TTN: variants seen among roughly 807,000 people sequenced by gnomAD.
The protein encoded by TTN is titin.
Under a neutral mutation model 3,223.0 loss-of-function variants are expected in TTN, and 1,525 were observed. That is an observed-to-expected ratio of 0.47 (90% CI 0.45 to 0.49). TTN has a LOEUF of 0.49. TTN is among the 20% of genes least tolerant of loss of function. The probability of loss-of-function intolerance (pLI) is 0.00; values close to 1 mark genes in which losing one functional copy is unlikely to be tolerated. For synonymous variants in TTN, 14,094 were observed against 15,161.0 expected (o/e 0.93, Z 5.17); for missense variants, 40,786 against 43,424.0 (o/e 0.94, Z 5.40).
At position 178,625,369 on chromosome 2, in the gene TTN, G is replaced by A; in HGVS notation, c.44452C>T (p.His14818Tyr). 1 of 1,586,088 alleles carries A rather than the reference G, an allele frequency of 6.3e-7. No homozygotes were observed. The change falls in exon 241 of 363, where the codon CAT becomes TAT. Residue 14818 changes from histidine (H) to tyrosine (Y), a missense_variant. Transcript: ENST00000589042. ...TTTACATCCCTCAGAGTAAGTGTAT[G>A]AACTTTTCCTTCTGAACGTGGGACC... is the stretch of plus-strand genomic sequence containing the variant. ...KVVPRSEGKV[H>Y]TLTLRDVKLE...
intron 126 of TTN, 33 bp from the exon 127 acceptor site, chr2:178,688,257 C>T: frequency 1.3e-6 from 2 of 1,584,264 alleles, no homozygotes; most frequent in Non-Finnish European, 1.7e-6. Context: ...TAAATTCAGC[C>T]TGCTGAGATA....
chr2:178,563,879 G>A lies in TTN; in HGVS notation c.82253C>T (p.Thr27418Ile), dbSNP rs750733161. The A allele has an allele frequency of 2.5e-6, 4 of 1,613,706 alleles. No individual in the cohort carries two copies. The highest frequency in any genetic ancestry group is 3.4e-6 in the Non-Finnish European group (4 of 1,179,724). ...GGCCTGTACCTCAGTTGAAACCTGG[G>A]TCCAAGAGAGTCGGCTTGTCTCCCT... Reference protein sequence around the residue: ...EKRETSRLSWTQVSTEVQALN... With the variant: ...EKRETSRLSWIQVSTEVQALN... Residue 27418 changes from threonine (T) to isoleucine (I), a missense_variant, in exon 326 of 363, where the codon ACC becomes ATC. Thr to Ile is a moderately conservative substitution (Grantham distance 89, BLOSUM62 -1). Coordinates refer to ENST00000589042, the MANE Select transcript of TTN (RefSeq NM_001267550.2). The surrounding 1 kb of genome is among the most constrained non-coding windows in gnomAD (Gnocchi z 4.5).
In TTN at chr2:178,598,544, C is replaced by T. The variant is rs181957743; in HGVS notation, c.57073G>A (p.Val19025Ile). ...TCTTTTCCTTCTTCTTTATATTCAA[C>T]GATGTATCCAGTTACTTTGGATCCA... The part of the protein sequence containing the change: ...DGGSKVTGYI[V>I]EYKEEGKEEW... The change falls in exon 292 of 363, where the codon GTT (valine) becomes ATT (isoleucine). Residue 19025 changes from valine (V) to isoleucine (I), a missense_variant. Transcript: ENST00000589042. 94 of 1,608,804 alleles carry T rather than the reference C, an allele frequency of 5.8e-5. No homozygotes were observed. The Admixed American group carries it at 1.0e-3, about 17-fold the overall frequency.
intron 316 of TTN, 103 bp downstream of exon 316, chr2:178,581,396 C>T: frequency 2.0e-6 from 2 of 1,025,578 alleles, no homozygotes; most frequent in Non-Finnish European, 2.7e-6. Context: ...GTTACCAGCT[C>T]TACACCTTGT....
intron 110 of TTN, 53 bp from the exon 111 acceptor site, chr2:178,701,256 A>G: frequency 6.7e-7 from 1 of 1,494,262 alleles, no homozygotes; most frequent in Non-Finnish European, 9.2e-7. Flanking sequence ...ATTTTGCGTA[A>G]AATATAATGA....
intron 222 of TTN, 76 bp downstream of exon 222, chr2:178,639,972 A>G (rs1195712280): frequency 6.5e-6 from 10 of 1,549,240 alleles, no homozygotes; most frequent in Middle Eastern, 1.7e-4. Flanking sequence ...TTCACCTACT[A>G]TCTTTTATTA....
chr2:178,695,020 G>A, intron 115 of TTN, 114 bp from the exon 116 acceptor site: 2 of 725,462 alleles, frequency 2.8e-6, no homozygotes, highest in Non-Finnish European at 4.4e-6. Flanking sequence ...AAGTGTATAT[G>A]CAGATACATG....
At position 178,729,336 on chromosome 2, in the gene TTN, A is replaced by G; in HGVS notation, c.18820T>C (p.Ser6274Pro). ...CATGAGCAGCTGCCGCCTTCATTGG[A>G]TACAATGCACTGGTATTCCCCAGTG... ...SDTGEYQCIV[S>P]NEGGSCSCST... Residue 6274 changes from serine (S) to proline (P), a missense_variant, in exon 64 of 363, where the codon TCC (serine) becomes CCC (proline). Physicochemically the swap from Ser to Pro is moderately conservative, Grantham distance 74. Coordinates refer to ENST00000589042, the MANE Select transcript of TTN (RefSeq NM_001267550.2). The G allele has an allele frequency of 1.9e-6, 3 of 1,613,250 alleles. No homozygotes were observed. The highest frequency in any genetic ancestry group is 1.1e-5 in the South Asian group (1 of 91,054).
chr2:178,641,219 A>T (rs766672888), intron 220 of TTN, 22 bp downstream of exon 220: 25 of 1,451,892 alleles, frequency 1.7e-5, no homozygotes, highest in Non-Finnish European at 2.1e-5. Context: ...ATAATCTTAC[A>T]AATTGTCACT....
In TTN at chr2:178,713,091, C is replaced by T. The variant is rs1478991979; in HGVS notation, c.27043G>A (p.Val9015Met). Residue 9015 changes from valine (V) to methionine (M), a missense_variant, in exon 93 of 363, where the codon GTG (valine) becomes ATG (methionine). Coordinates refer to ENST00000589042, the MANE Select transcript of TTN (RefSeq NM_001267550.2). ...TACTGTTTTGTAAACTGACCTCTCA[C>T]AGTCAAAGGAGCACTACATTCATCA... ...GSDECSAPLT[V>M]REPPSFVQKP... 1 of 1,612,284 alleles carries T rather than the reference C, an allele frequency of 6.2e-7. No homozygotes were observed. Among genetic ancestry groups the T allele is most frequent in the Non-Finnish European group, 8.5e-7 (1 of 1,178,604 alleles).
intron 3 of TTN, among the ~76,000 whole-genome samples, chr2:178,801,062 T>C (rs1272994178): frequency 6.6e-6 from 1 of 152,218 alleles, no homozygotes; most frequent in Non-Finnish European, 1.5e-5. Context: ...CATATTCCAG[T>C]AAGTTGCATT....
At chr2:178,682,055 G>A (rs1198593588) in intron 135 of TTN, among the ~76,000 whole-genome samples, 1 of 151,634 alleles carries the variant, frequency 6.6e-6, no homozygotes, top group Non-Finnish European at 1.5e-5. Flanking sequence ...TCTCAAAGTT[G>A]GGCTATGAAA....
rs765111619 is a variant in TTN at position 178,756,183 on chromosome 2, G to A, written c.11254+39C>T. 4.9e-6 allele frequency: 7 copies of A among 1,442,546 alleles called. No individual in the cohort carries two copies. The East Asian group carries it at 9.1e-5, about 19-fold the overall frequency. The allele number at this position is 1,442,546 out of a possible 1,614,324, so 89.4% of individuals were successfully genotyped here. A position where few individuals can be genotyped will look rare whatever the true frequency, so the allele number is the denominator to read the frequency against. On this transcript the variant is annotated intron_variant, in intron 46 of 362. Transcript: ENST00000589042. ...GCAGAAAAGCTGCATAAAGCGATGAGGATGAAATGAAGCAAGTCATAGCTA... is the reference window on the plus strand; with the variant it reads ...GCAGAAAAGCTGCATAAAGCGATGAAGATGAAATGAAGCAAGTCATAGCTA...
intron 49 of TTN, among the ~76,000 whole-genome samples, chr2:178,736,428 G>C (rs80292019): frequency 6.6e-6 from 1 of 152,152 alleles, no homozygotes; most frequent in Non-Finnish European, 1.5e-5. Context: ...ATGTAAGGAA[G>C]ATAAAGAAAA....
At chr2:178,649,420 AT>A (rs2062559036) in intron 212 of TTN, 89 bp from the exon 213 acceptor site, 2 of 1,343,284 alleles carry the variant, frequency 1.5e-6, no homozygotes, top group Non-Finnish European at 2.0e-6. Context: ...TTGGAGCAGC[AT>A]TAAAATTAAT....
Position 178,619,857 on chromosome 2 carries a change from T to G in TTN, c.46460A>C (p.Gln15487Pro). The G allele has an allele frequency of 1.2e-6, 2 of 1,611,672 alleles. No individual in the cohort carries two copies. Among genetic ancestry groups the G allele is most frequent in the Non-Finnish European group, 8.5e-7 (1 of 1,178,804 alleles). ...AGCACCAGGGGCTTCAAGAATATCT[T>G]GTGGAGGCCTGATGATCTCAACAGG... ...EIPVEIIRPPQDILEAPGADV... is the reference protein window; with the variant it reads ...EIPVEIIRPPPDILEAPGADV... The change falls in exon 250 of 363, where the codon CAA becomes CCA. Residue 15487 changes from glutamine (Q) to proline (P), a missense_variant. Gln to Pro is a moderately conservative substitution (Grantham distance 76). Transcript: ENST00000589042.
In TTN at chr2:178,618,268, G is replaced by A; in HGVS notation, c.47190C>T (p.Phe15730=). The stretch of plus-strand genomic sequence containing the variant: ...CAACTCTGTTTCTTGCACTCACACG[G>A]AATAGGTACTCAACTCCTCCTTTCT... ...GLQKGGVEYL[F]RVSARNRVGT... is the part of the protein sequence containing the mutation. Residue 15730 remains phenylalanine (F), a synonymous_variant, in exon 252 of 363, where the codon TTC becomes TTT. Coordinates refer to ENST00000589042, the MANE Select transcript of TTN (RefSeq NM_001267550.2). 1 of 1,612,738 alleles carries A rather than the reference G, an allele frequency of 6.2e-7. No homozygotes were observed. Among genetic ancestry groups the A allele is most frequent in the Non-Finnish European group, 8.5e-7 (1 of 1,179,160 alleles).
intron 6 of TTN, among the ~76,000 whole-genome samples, chr2:178,797,175 A>G (rs1329949914): frequency 6.6e-6 from 1 of 152,188 alleles, no homozygotes; most frequent in Non-Finnish European, 1.5e-5. Flanking sequence ...TATCTCCTCA[A>G]GAAATTGCAT....
chr2:178,739,821 A>G lies in TTN; in HGVS notation c.13412T>C (p.Met4471Thr). ...AGCACACAAAGCATCCCTAAGTTCCATTTTCAGGTTAGCCATTTGAGGATC... is the reference window on the plus strand; with the variant it reads ...AGCACACAAAGCATCCCTAAGTTCCGTTTTCAGGTTAGCCATTTGAGGATC... ...DVDPQMANLK[M>T]ELRDALCAII... Residue 4471 changes from methionine to threonine, a missense_variant, in exon 48 of 363, where the codon ATG (methionine) becomes ACG (threonine). By Grantham distance (81) the Met-to-Thr change is moderately conservative. Coordinates refer to ENST00000589042, the MANE Select transcript of TTN (RefSeq NM_001267550.2). 2 of 1,613,824 alleles carry G rather than the reference A, an allele frequency of 1.2e-6. No homozygotes were observed.
Sources: gnomAD v4.1 joint callset for allele counts (sites outside exome capture counted in the v4.1 genomes callset) on GRCh38, gnomAD v4.1.1 for gene constraint, Gnocchi (gnomAD v3.1) non-coding constraint, MANE v1.5 for transcripts, NCBI Gene and HGNC (gene_info 2026-07-23, HGNC 2026-07-21) for gene names.